DSCAM: variants seen among roughly 807,000 people sequenced by gnomAD.
The protein encoded by DSCAM is cell adhesion molecule DSCAM.
Under a neutral mutation model 217.7 loss-of-function variants are expected in DSCAM, and 47 were observed. The observed-to-expected ratio is 0.22, with a 90% CI of 0.17 to 0.28. The LOEUF (loss-of-function observed/expected upper bound fraction) is 0.28. Among genes scored for constraint, DSCAM ranks in the 10% least tolerant of loss-of-function variants. DSCAM has a pLI of 1.00. For missense variants in DSCAM, 2,080 were observed against 2,618.3 expected (o/e 0.79, Z 4.49); for synonymous variants, 1,056 against 1,015.3 (o/e 1.04, Z -0.76).
intron 3 of DSCAM, among the ~76,000 whole-genome samples, chr21:40,619,755 T>C (rs76030321): frequency 0.011 from 1,727 of 151,082 alleles, 11 homozygotes; most frequent in Non-Finnish European, 0.017. Flanking sequence ...TTTGGAAAGA[T>C]AGAATTTGAA....
chr21:40,559,780 TTCTG>T (rs144453998), intron 3 of DSCAM, among the ~76,000 whole-genome samples: 8,315 of 140,988 alleles, frequency 0.059, 170 homozygotes, highest in South Asian at 0.089. Context: ...TTTTAAAATT[TTCTG>T]TCTTTTTTTT....
At chr21:40,133,117 G>A (rs1158581588) in intron 19 of DSCAM, among the ~76,000 whole-genome samples, 1 of 152,232 alleles carries the variant, frequency 6.6e-6, no homozygotes, top group African/African-American at 2.4e-5. Context: ...TTATTAAGGT[G>A]GAGGCTACTT....
At position 40,312,075 on chromosome 21, in the gene DSCAM, G is replaced by A; in HGVS notation, c.2062+6C>T. 1 of 1,610,962 alleles carries A rather than the reference G, an allele frequency of 6.2e-7. No individual in the cohort carries two copies. Among genetic ancestry groups the A allele is most frequent in the Non-Finnish European group, 8.5e-7 (1 of 1,178,446 alleles). ...GATGCCACATGGCTCATGATCCTTT[G>A]CTCACCTCTGACAATCAACTGGCTT... On this transcript the variant is annotated splice_donor_region_variant and intron_variant, in intron 9 of 32. Coordinates refer to ENST00000400454, the MANE Select transcript of DSCAM (RefSeq NM_001389.5).
intron 31 of DSCAM, among the ~76,000 whole-genome samples, chr21:40,043,513 G>C (rs2088792006): frequency 6.6e-6 from 1 of 152,162 alleles, no homozygotes. Flanking sequence ...AATTTAAGAG[G>C]GGGTGGTGGG....
At chr21:40,500,248 T>C (rs576583216) in intron 3 of DSCAM, among the ~76,000 whole-genome samples, 11 of 152,338 alleles carry the variant, frequency 7.2e-5, no homozygotes, top group African/African-American at 2.6e-4. Flanking sequence ...TTTTAAGTTT[T>C]CTGAAGAAAG....
chr21:40,491,092 T>G (rs2076072746), intron 3 of DSCAM, among the ~76,000 whole-genome samples: 1 of 152,196 alleles, frequency 6.6e-6, no homozygotes, highest in Non-Finnish European at 1.5e-5. Context: ...GTATTTTGTC[T>G]TACGATATCA....
intron 3 of DSCAM, among the ~76,000 whole-genome samples, chr21:40,592,866 C>T (rs898155122): frequency 4.6e-5 from 7 of 152,146 alleles, no homozygotes; most frequent in African/African-American, 1.7e-4. Flanking sequence ...TATTGCTGTC[C>T]CCAGCCCTTA....
rs564466676 is a variant in DSCAM at position 40,013,694 on chromosome 21, A to G, written c.5687-308T>C. Among the ~76,000 whole-genome samples, 91 of 152,328 alleles carry G rather than the reference A, an allele frequency of 6.0e-4. No individual in the cohort carries two copies. The South Asian group carries it at 0.018, about 30-fold the overall frequency. ...AACACACCATCGTTGAAAGAAAAAC[A>G]TACATCAAAGGCATCAGTGTCCACT... On this transcript the variant is annotated intron_variant, in intron 32 of 32. Coordinates refer to ENST00000400454, the MANE Select transcript of DSCAM (RefSeq NM_001389.5).
At chr21:40,691,663 ATAAT>A (rs1209649550) in intron 3 of DSCAM, among the ~76,000 whole-genome samples, 5 of 152,232 alleles carry the variant, frequency 3.3e-5, no homozygotes, top group Non-Finnish European at 7.3e-5. Context: ...TTAAATTATG[ATAAT>A]TAATCAACAT....
chr21:40,146,364 G>C (rs1046301351), intron 16 of DSCAM, among the ~76,000 whole-genome samples: 1 of 152,108 alleles, frequency 6.6e-6, no homozygotes, highest in Non-Finnish European at 1.5e-5. Context: ...AGTCAGGAGG[G>C]AACGGACAGA....
chr21:40,181,152 C>A (rs1370671680), intron 14 of DSCAM, among the ~76,000 whole-genome samples: 1 of 152,136 alleles, frequency 6.6e-6, no homozygotes, highest in Non-Finnish European at 1.5e-5. Context: ...GATGTCCATG[C>A]ATACATTTCT....
intron 28 of DSCAM, among the ~76,000 whole-genome samples, chr21:40,056,453 G>A (rs116486417): frequency 0.035 from 5,235 of 150,024 alleles, 148 homozygotes; most frequent in African/African-American, 0.077. Context: ...TGTATCAGAA[G>A]ATTACTCTTA....
chr21:40,206,434 G>T (rs370979660), intron 11 of DSCAM, among the ~76,000 whole-genome samples: 1 of 152,044 alleles, frequency 6.6e-6, no homozygotes, highest in Non-Finnish European at 1.5e-5. Context: ...GTCTAGGGGG[G>T]ACTCCAGAGG....
At chr21:40,320,753 T>C (rs559555657) in intron 8 of DSCAM, among the ~76,000 whole-genome samples, 15 of 152,144 alleles carry the variant, frequency 9.9e-5, no homozygotes, top group Admixed American at 4.6e-4. Context: ...TCATAAGACT[T>C]ATTCACTACC....
chr21:40,601,915 G>C (rs934046001), intron 3 of DSCAM, among the ~76,000 whole-genome samples: 1 of 152,052 alleles, frequency 6.6e-6, no homozygotes, highest in Non-Finnish European at 1.5e-5. Context: ...TAATCTGCTA[G>C]TATTTTATTG....
chr21:40,336,207 A>C (rs1334117720), intron 8 of DSCAM, among the ~76,000 whole-genome samples: 1 of 152,090 alleles, frequency 6.6e-6, no homozygotes, highest in South Asian at 2.1e-4. Context: ...GCTTTTCTTC[A>C]TGGAATTCCA....
At chr21:40,510,271 A>T (rs1568864314) in intron 3 of DSCAM, among the ~76,000 whole-genome samples, 1 of 152,182 alleles carries the variant, frequency 6.6e-6, no homozygotes, top group Non-Finnish European at 1.5e-5. Context: ...AGACTATGAA[A>T]TTGAAGGGAA....
intron 1 of DSCAM, among the ~76,000 whole-genome samples, chr21:40,830,139 C>T (rs1040116707): frequency 5.3e-5 from 8 of 152,164 alleles, no homozygotes; most frequent in Non-Finnish European, 1.2e-4. Flanking sequence ...CACAGTTCTG[C>T]AGGCTTTACA....
chr21:40,663,268 G>GTGT (rs113634212), intron 3 of DSCAM, among the ~76,000 whole-genome samples: 5,099 of 42,726 alleles, frequency 0.12, 290 homozygotes, highest in African/African-American at 0.31. Context: ...GTGTGTGTGT[G>GTGT]GGGGGGGTGT....
Sources: gnomAD v4.1 joint callset for allele counts (sites outside exome capture counted in the v4.1 genomes callset) on GRCh38, gnomAD v4.1.1 for gene constraint, MANE v1.5 for transcripts, NCBI Gene and HGNC (gene_info 2026-07-23, HGNC 2026-07-21) for gene names.